Variants in ANKS1B observed in about 807,000 individuals in gnomAD.
ANKS1B encodes the protein ankyrin repeat and sterile alpha motif domain containing 1B.
In ANKS1B, 36 loss-of-function variants were observed where a neutral mutation model predicts 148.3. The observed-to-expected ratio is 0.24, with a 90% confidence interval of 0.19 to 0.32. The LOEUF is 0.32. ANKS1B is among the 10% of genes least tolerant of loss of function. ANKS1B has a pLI of 1.00. For synonymous variants in ANKS1B, 542 were observed against 560.8 expected (o/e 0.97, Z 0.47); for missense variants, 1,157 against 1,542.6 (o/e 0.75, Z 4.19).
chr12:98,749,358 C>T lies in ANKS1B; in HGVS notation c.3747+1997G>A, dbSNP rs974474709. ...TCCTGACCTCGTGATCTGCCCGCTT[C>T]GGACTCCCAAAGTGCTGGGATTACA... On this transcript the variant is annotated intron_variant, in intron 26 of 26. Coordinates refer to ENST00000683438, the MANE Select transcript of ANKS1B (RefSeq NM_001352186.2). 1.6e-4 allele frequency among the ~76,000 whole-genome samples: 25 copies of T among 151,974 alleles called. 1 individual carries two copies. The highest frequency in any genetic ancestry group is 9.2e-4 in the Admixed American group (14 of 15,272).
chr12:99,498,123 C>T (rs930419323), intron 10 of ANKS1B, among the ~76,000 whole-genome samples: 3 of 152,106 alleles, frequency 2.0e-5, no homozygotes, highest in African/African-American at 7.2e-5. Flanking sequence ...TGTCTTTGTT[C>T]TGGCCACTGT....
At chr12:99,942,533 T>C (rs959603150) in intron 1 of ANKS1B, among the ~76,000 whole-genome samples, 3 of 151,664 alleles carry the variant, frequency 2.0e-5, no homozygotes. Flanking sequence ...AAGAAAAAAA[T>C]TTAGGCTAAG....
intron 4 of ANKS1B, among the ~76,000 whole-genome samples, chr12:99,792,729 G>A (rs1015828765): frequency 4.0e-5 from 6 of 151,710 alleles, no homozygotes; most frequent in African/African-American, 4.8e-5. Context: ...ACAGACTCAC[G>A]ACTAGTATCA....
At chr12:99,731,735 G>C (rs889205442) in intron 8 of ANKS1B, among the ~76,000 whole-genome samples, 14 of 152,090 alleles carry the variant, frequency 9.2e-5, no homozygotes, top group African/African-American at 3.4e-4. Context: ...AGAATTATTT[G>C]TAATTTTGGG....
At chr12:99,089,343 G>T in intron 15 of ANKS1B, among the ~76,000 whole-genome samples, 1 of 151,964 alleles carries the variant, frequency 6.6e-6, no homozygotes, top group Non-Finnish European at 1.5e-5. Context: ...AGAATAAGCT[G>T]TTCCCCCCCA....
intron 9 of ANKS1B, among the ~76,000 whole-genome samples, chr12:99,617,395 C>T (rs926296323): frequency 1.3e-5 from 2 of 152,088 alleles, no homozygotes; most frequent in African/African-American, 4.8e-5. Context: ...ACCCAAATGC[C>T]CATCAATGAT....
intron 8 of ANKS1B, among the ~76,000 whole-genome samples, chr12:99,741,025 T>C (rs2060047484): frequency 6.6e-6 from 1 of 151,964 alleles, no homozygotes; most frequent in African/African-American, 2.4e-5. Flanking sequence ...TCTGGCAAAA[T>C]GGTGAAATGC....
chr12:99,515,378 G>T (rs2096807052), intron 9 of ANKS1B, among the ~76,000 whole-genome samples: 1 of 151,930 alleles, frequency 6.6e-6, no homozygotes, highest in Non-Finnish European at 1.5e-5. Flanking sequence ...GTCTCCATGA[G>T]TACAATTATT....
intron 1 of ANKS1B, among the ~76,000 whole-genome samples, chr12:99,843,140 TC>T (rs1033539778): frequency 1.3e-5 from 2 of 152,144 alleles, no homozygotes; most frequent in Admixed American, 1.3e-4. Context: ...GGAAATGTGT[TC>T]CTACATCATT....
chr12:99,883,443 T>C (rs1316901903), intron 1 of ANKS1B, among the ~76,000 whole-genome samples: 1 of 152,170 alleles, frequency 6.6e-6, no homozygotes, highest in Non-Finnish European at 1.5e-5. Context: ...ACATCAAATA[T>C]AGTTTTTTGA....
Position 99,704,697 on chromosome 12 carries a change from C to T in ANKS1B, c.1129-49487G>A, listed in dbSNP as rs1415460633. Among the ~76,000 whole-genome samples, 7 of 151,982 alleles carry T rather than the reference C, an allele frequency of 4.6e-5. No individual in the cohort carries two copies. The East Asian group carries it at 1.4e-3, about 29-fold the overall frequency. ...CTCTCCAGCTTAATATTGGCATTCC[C>T]AAGCCAGGTCAAGAAAGTAGGAACT... On this transcript the variant is annotated intron_variant, in intron 8 of 26. Coordinates refer to ENST00000683438, the MANE Select transcript of ANKS1B (RefSeq NM_001352186.2).
At chr12:99,310,499 C>A (rs1426092392) in intron 12 of ANKS1B, among the ~76,000 whole-genome samples, 1 of 152,156 alleles carries the variant, frequency 6.6e-6, no homozygotes, top group African/African-American at 2.4e-5. Context: ...TTTCTATTAG[C>A]GAGGATTCTT....
chr12:98,925,131 T>G (rs1442167988), intron 17 of ANKS1B, among the ~76,000 whole-genome samples: 1 of 152,214 alleles, frequency 6.6e-6, no homozygotes, highest in Non-Finnish European at 1.5e-5. Context: ...ACTCCACAGC[T>G]GATAAGCTTT....
intron 1 of ANKS1B, among the ~76,000 whole-genome samples, chr12:99,880,859 G>A (rs1478075799): frequency 6.6e-6 from 1 of 152,198 alleles, no homozygotes; most frequent in Admixed American, 6.5e-5. Context: ...GTCATAACAA[G>A]TGAAAGCTAA....
intron 8 of ANKS1B, among the ~76,000 whole-genome samples, chr12:99,677,167 C>T (rs149307294): frequency 3.9e-5 from 6 of 152,216 alleles, no homozygotes; most frequent in East Asian, 3.9e-4. Context: ...TACACTTTTG[C>T]GCTCCTACAT....
intron 9 of ANKS1B, among the ~76,000 whole-genome samples, chr12:99,508,089 T>C (rs2096730084): frequency 6.6e-6 from 1 of 151,928 alleles, no homozygotes; most frequent in African/African-American, 2.4e-5. Context: ...TAGTATCAAA[T>C]GCTCTAGTTC....
intron 12 of ANKS1B, among the ~76,000 whole-genome samples, chr12:99,389,930 A>G (rs2094000909): frequency 6.6e-6 from 1 of 152,136 alleles, no homozygotes; most frequent in South Asian, 2.1e-4. Context: ...CAGGATACAT[A>G]AAACTGGGGC....
At chr12:99,295,566 T>C (rs768646188) in intron 12 of ANKS1B, among the ~76,000 whole-genome samples, 35 of 152,360 alleles carry the variant, frequency 2.3e-4, no homozygotes, top group Non-Finnish European at 1.5e-4. Context: ...AAGTTCAATA[T>C]ATCAAATTTT....
At chr12:98,783,829 G>A (rs2098761819) in intron 22 of ANKS1B, among the ~76,000 whole-genome samples, 1 of 152,200 alleles carries the variant, frequency 6.6e-6, no homozygotes, top group Non-Finnish European at 1.5e-5. Context: ...AATCAGACCT[G>A]TGTTGCAGAA....
Sources: allele counts gnomAD v4.1 joint callset (sites outside exome capture counted in the v4.1 genomes callset), GRCh38; gene constraint gnomAD v4.1.1; transcripts MANE v1.5; gene names NCBI Gene and HGNC (gene_info 2026-07-23, HGNC 2026-07-21).